Variants in TMEM131L observed in about 807,000 individuals in gnomAD.
TMEM131L encodes the protein transmembrane protein 131-like.
Under a neutral mutation model 192.2 loss-of-function variants are expected in TMEM131L, and 54 were observed. The observed-to-expected ratio is 0.28, with a 90% confidence interval of 0.23 to 0.35. The LOEUF (loss-of-function observed/expected upper bound fraction) is 0.35. TMEM131L is among the 10% of genes least tolerant of loss of function. The probability of loss-of-function intolerance (pLI) is 1.00; values close to 1 mark genes in which losing one functional copy is unlikely to be tolerated. For synonymous variants in TMEM131L, 701 were observed against 704.9 expected (o/e 0.99, Z 0.09); for missense variants, 1,888 against 1,972.9 (o/e 0.96, Z 0.82).
At chr4:153,612,170 T>G in intron 25 of TMEM131L, 82 bp from the exon 26 acceptor site, 1 of 994,874 alleles carries the variant, frequency 1.0e-6, no homozygotes, top group East Asian at 2.8e-5. Flanking sequence ...GAAGTCAAAT[T>G]AGATGTTTGG....
chr4:153,553,327 C>T (rs1233773617), intron 4 of TMEM131L, among the ~76,000 whole-genome samples: 1 of 151,986 alleles, frequency 6.6e-6, no homozygotes. Flanking sequence ...GAAGGAATGC[C>T]ATTTGCTCAA....
At chr4:153,500,063 CTTCCG>C (rs1285049682) in intron 3 of TMEM131L, among the ~76,000 whole-genome samples, 1 of 152,088 alleles carries the variant, frequency 6.6e-6, no homozygotes, top group African/African-American at 2.4e-5. Flanking sequence ...CTTCCGTTCC[CTTCCG>C]TTCCCTTCCC....
intron 3 of TMEM131L, among the ~76,000 whole-genome samples, chr4:153,490,544 G>T (rs1732694141): frequency 6.6e-6 from 1 of 152,162 alleles, no homozygotes; most frequent in African/African-American, 2.4e-5. Context: ...AGGTAATATA[G>T]TTAGGAGAGG....
Position 153,612,235 on chromosome 4 carries a change from GT to G in TMEM131L, c.3419-12del. ...GAAACTATTAGCTAGAAATTGAATTGTTTTTGTTTATTAAAGGGAATAACCA... is the reference window on the plus strand; with the variant it reads ...GAAACTATTAGCTAGAAATTGAATTGTTTTGTTTATTAAAGGGAATAACCA... On this transcript the variant is annotated splice_polypyrimidine_tract_variant and intron_variant, in intron 25 of 34. Coordinates refer to ENST00000409959, the MANE Select transcript of TMEM131L (RefSeq NM_001131007.2). The G allele has an allele frequency of 1.3e-6, 2 of 1,506,332 alleles. No homozygotes were observed. The highest frequency in any genetic ancestry group is 2.5e-5 in the Admixed American group (1 of 40,112). 93.3% of individuals were successfully genotyped at this position (1,506,332 alleles called of 1,614,324 possible). A position where few individuals can be genotyped will look rare whatever the true frequency, so the allele number is the denominator to read the frequency against.
At chr4:153,491,921 G>A (rs984395054) in intron 3 of TMEM131L, among the ~76,000 whole-genome samples, 1 of 152,042 alleles carries the variant, frequency 6.6e-6, no homozygotes, top group Non-Finnish European at 1.5e-5. Context: ...TCCCAGGCTG[G>A]TCTTGAACTC....
intron 31 of TMEM131L, among the ~76,000 whole-genome samples, chr4:153,628,255 A>G (rs1043162119): frequency 2.0e-5 from 3 of 152,190 alleles, no homozygotes; most frequent in Admixed American, 6.5e-5. Flanking sequence ...GGTGCATGGA[A>G]GTAGGAATGG....
At chr4:153,521,534 T>C (rs556955175) in intron 3 of TMEM131L, among the ~76,000 whole-genome samples, 1 of 152,354 alleles carries the variant, frequency 6.6e-6, no homozygotes, top group East Asian at 1.9e-4. Flanking sequence ...AGACGTAACA[T>C]TAAATTTACC....
chr4:153,580,979 C>T (rs1390540028), intron 8 of TMEM131L, 76 bp downstream of exon 8: 5 of 1,056,390 alleles, frequency 4.7e-6, no homozygotes, highest in East Asian at 5.0e-5. Flanking sequence ...CAAGGCTGGG[C>T]GCTGTGGCTC....
chr4:153,579,953 A>T (rs1207946668), intron 7 of TMEM131L, among the ~76,000 whole-genome samples: 1 of 152,170 alleles, frequency 6.6e-6, no homozygotes, highest in Non-Finnish European at 1.5e-5. Context: ...AAGCCAGCCT[A>T]GGCTTTGGAG....
At chr4:153,575,386 A>T (rs888162446) in intron 7 of TMEM131L, among the ~76,000 whole-genome samples, 1 of 152,130 alleles carries the variant, frequency 6.6e-6, no homozygotes, top group East Asian at 1.9e-4. Flanking sequence ...TGACCTTTGC[A>T]TTTTATCTTG....
intron 25 of TMEM131L, among the ~76,000 whole-genome samples, chr4:153,609,809 A>G (rs1732489881): frequency 6.6e-6 from 1 of 152,132 alleles, no homozygotes; most frequent in Non-Finnish European, 1.5e-5. Context: ...GAGTAATGGC[A>G]CCTATTTTTT....
intron 2 of TMEM131L, 67 bp downstream of exon 2, chr4:153,467,348 T>C (rs1018080815): frequency 1.9e-5 from 25 of 1,341,312 alleles, no homozygotes; most frequent in African/African-American, 2.9e-5. Context: ...AGGCCCCCGG[T>C]CCTCCCCACC....
chr4:153,528,689 C>T (rs1735673774), intron 3 of TMEM131L, among the ~76,000 whole-genome samples: 1 of 152,150 alleles, frequency 6.6e-6, no homozygotes, highest in Non-Finnish European at 1.5e-5. Flanking sequence ...ATTAAAGTTG[C>T]TGTTCCACAA....
At chr4:153,628,325 T>C (rs531575332) in intron 31 of TMEM131L, among the ~76,000 whole-genome samples, 1 of 152,372 alleles carries the variant, frequency 6.6e-6, no homozygotes, top group East Asian at 1.9e-4. Context: ...CAGTCCTCCC[T>C]CATTTTTCTT....
intron 30 of TMEM131L, among the ~76,000 whole-genome samples, chr4:153,626,773 A>T (rs1733874669): frequency 1.3e-5 from 2 of 152,194 alleles, no homozygotes; most frequent in South Asian, 4.1e-4. Context: ...TCAGAAAAGA[A>T]CACCTTATTT....
intron 3 of TMEM131L, among the ~76,000 whole-genome samples, chr4:153,540,346 C>T (rs890325572): frequency 2.0e-5 from 3 of 152,134 alleles, no homozygotes; most frequent in African/African-American, 7.2e-5. Context: ...AACTCTTCCT[C>T]CAGCCTTACC....
Position 153,612,233 on chromosome 4 carries a change from T to C in TMEM131L, c.3419-19T>C. ...TGGAAACTATTAGCTAGAAATTGAA[T>C]TGTTTTTGTTTATTAAAGGGAATAA... is the stretch of plus-strand genomic sequence containing the variant. On this transcript the variant is annotated intron_variant, in intron 25 of 34. Transcript: ENST00000409959. 6.7e-7 allele frequency: 1 copy of C among 1,500,538 alleles called. No individual in the cohort carries two copies. The highest frequency in any genetic ancestry group is 2.5e-5 in the East Asian group (1 of 40,044). 93.0% of individuals were successfully genotyped at this position (1,500,538 alleles called of 1,614,324 possible). A position where few individuals can be genotyped will look rare whatever the true frequency, so the allele number is the denominator to read the frequency against.
chr4:153,522,036 A>G (rs1414758216), intron 3 of TMEM131L, among the ~76,000 whole-genome samples: 1 of 152,202 alleles, frequency 6.6e-6, no homozygotes, highest in Non-Finnish European at 1.5e-5. Context: ...TTAAAGCAGA[A>G]TCGTTTAGAG....
chr4:153,627,299 G>T (rs955984937), intron 30 of TMEM131L, among the ~76,000 whole-genome samples: 1 of 152,130 alleles, frequency 6.6e-6, no homozygotes, highest in Non-Finnish European at 1.5e-5. Flanking sequence ...ATACAGACAG[G>T]TGGCTACCTG....
Sources: allele counts gnomAD v4.1 joint callset (sites outside exome capture counted in the v4.1 genomes callset), GRCh38; gene constraint gnomAD v4.1.1; transcripts MANE v1.5; gene names NCBI Gene and HGNC (gene_info 2026-07-23, HGNC 2026-07-21).